Variants in PTPRM observed in about 807,000 individuals in gnomAD.
PTPRM encodes the protein protein tyrosine phosphatase receptor type M.
PTPRM carries 47 observed loss-of-function variants against 186.7 expected under a neutral mutation model. The ratio of observed to expected loss-of-function variants is 0.25; its 90% CI spans 0.20 to 0.32. The LOEUF (loss-of-function observed/expected upper bound fraction) is 0.32. Ranked by LOEUF, PTPRM falls within the 10% of genes least tolerant of loss-of-function variation. The probability of loss-of-function intolerance (pLI) is 1.00; values close to 1 mark genes in which losing one functional copy is unlikely to be tolerated. For missense variants in PTPRM, 1,494 were observed against 1,865.0 expected (o/e 0.80, Z 3.66); for synonymous variants, 668 against 674.9 (o/e 0.99, Z 0.16).
chr18:7,734,235 A>G (rs1290707586), intron 1 of PTPRM, among the ~76,000 whole-genome samples: 2 of 152,178 alleles, frequency 1.3e-5, no homozygotes, highest in Admixed American at 1.3e-4. Context: ...CCAAATCTGT[A>G]TGTGTCAGGG....
At chr18:7,829,180 T>C (rs2145701088) in intron 2 of PTPRM, among the ~76,000 whole-genome samples, 1 of 152,352 alleles carries the variant, frequency 6.6e-6, no homozygotes, top group South Asian at 2.1e-4. Flanking sequence ...GACATATTTA[T>C]ATGGTTCAAA....
intron 11 of PTPRM, among the ~76,000 whole-genome samples, chr18:8,111,339 G>A (rs943382810): frequency 3.3e-5 from 5 of 152,200 alleles, no homozygotes; most frequent in Non-Finnish European, 5.9e-5. Flanking sequence ...TTGGCCAGGC[G>A]CAGTGGCTCA....
chr18:8,143,655 A>T lies in PTPRM; in HGVS notation c.2176A>T (p.Thr726Ser), dbSNP rs772892539. 1.0e-5 allele frequency: 16 copies of T among 1,596,564 alleles called. No homozygotes were observed. The highest frequency in any genetic ancestry group is 1.3e-5 in the African/African-American group (1 of 74,552). ...CVQVATKGAA[T>S]PKPVPEPEKQ... ...TTTCCTTTCATCTTCAGGAGCTGCCACTCCGAAACCAGTCCCAGAACCCGA... is the reference window on the plus strand; with the variant it reads ...TTTCCTTTCATCTTCAGGAGCTGCCTCTCCGAAACCAGTCCCAGAACCCGA... The change falls in exon 14 of 33, where the codon ACT (threonine) becomes TCT (serine). Residue 726 changes from threonine (T) to serine (S), a missense_variant. By Grantham distance (58) the Thr-to-Ser change is moderately conservative. This residue lies in a region of PTPRM where 1,107 missense variants were observed against 1,350.2 expected (regional missense o/e 0.82). Coordinates refer to ENST00000580170, the MANE Select transcript of PTPRM (RefSeq NM_001105244.2).
chr18:7,782,180 G>T (rs2042888842), intron 2 of PTPRM, among the ~76,000 whole-genome samples: 1 of 152,140 alleles, frequency 6.6e-6, no homozygotes, highest in African/African-American at 2.4e-5. Flanking sequence ...AACACCACAG[G>T]CTCTGTGTAG....
At chr18:8,160,129 C>T (rs1022109419) in intron 14 of PTPRM, among the ~76,000 whole-genome samples, 2 of 152,006 alleles carry the variant, frequency 1.3e-5, no homozygotes, top group African/African-American at 2.4e-5. Flanking sequence ...TTTAAGCCAC[C>T]TTTGAAATAT....
intron 1 of PTPRM, among the ~76,000 whole-genome samples, chr18:7,755,444 A>C (rs1242541987): frequency 1.3e-5 from 2 of 152,204 alleles, no homozygotes; most frequent in African/African-American, 4.8e-5. Context: ...GGTATGGATA[A>C]GGGTGGTCTT....
chr18:7,886,319 ACT>A (rs1250233999), intron 2 of PTPRM, among the ~76,000 whole-genome samples: 32 of 152,212 alleles, frequency 2.1e-4, no homozygotes, highest in African/African-American at 7.5e-4. Flanking sequence ...GTAAACAGTA[ACT>A]AACCTGAATT....
chr18:8,159,332 T>A (rs7236897), intron 14 of PTPRM, among the ~76,000 whole-genome samples: 4,867 of 152,250 alleles, frequency 0.032, 141 homozygotes, highest in African/African-American at 0.079. Context: ...GATGTTCTTA[T>A]CATTGTTATA....
chr18:8,269,012 G>T (rs1277688059), intron 19 of PTPRM, among the ~76,000 whole-genome samples: 1 of 151,922 alleles, frequency 6.6e-6, no homozygotes, highest in East Asian at 1.9e-4. Flanking sequence ...CAAGACAAAG[G>T]TGCCCACTCT....
intron 17 of PTPRM, 120 bp from the exon 18 acceptor site, chr18:8,252,368 T>G (rs1204313836): frequency 1.1e-6 from 1 of 879,838 alleles, no homozygotes; most frequent in Non-Finnish European, 1.9e-6. Flanking sequence ...AATAGAAAAC[T>G]TAACTGGAAA....
In PTPRM at chr18:8,260,159, G is replaced by T. The variant is rs144804227; in HGVS notation, c.2754+6745G>T. Among the ~76,000 whole-genome samples the T allele has an allele frequency of 9.2e-5, 14 of 151,668 alleles. 1 individual carries two copies. The Middle Eastern group carries it at 0.01, about 114-fold the overall frequency. On this transcript the variant is annotated intron_variant, in intron 19 of 32. Transcript: ENST00000580170. ...ACGAGCAGTGAGAGAGGACCAAACA[G>T]AAGGAGAATTGCTTTTTTCATTTTT... is the stretch of plus-strand genomic sequence containing the variant.
Position 7,775,607 on chromosome 18 carries a change from G to C in PTPRM, c.196+1336G>C, listed in dbSNP as rs1333855335. Reference sequence around the variant, plus strand: ...GGCTGGGCTAGCTGAGGCTGTGAGAGTGGGGAGGGTCCTTAGATTTAGTCC... The same window carrying C: ...GGCTGGGCTAGCTGAGGCTGTGAGACTGGGGAGGGTCCTTAGATTTAGTCC... On this transcript the variant is annotated intron_variant, in intron 2 of 32. Transcript: ENST00000580170. Among the ~76,000 whole-genome samples, 3 of 152,182 alleles carry C rather than the reference G, an allele frequency of 2.0e-5. No homozygotes were observed. The East Asian group carries it at 5.8e-4, about 29-fold the overall frequency.
At chr18:7,575,073 A>G (rs920129633) in intron 1 of PTPRM, among the ~76,000 whole-genome samples, 2 of 152,220 alleles carry the variant, frequency 1.3e-5, no homozygotes, top group Non-Finnish European at 2.9e-5. Flanking sequence ...TTGGACATTT[A>G]TTTAAAGTAC....
intron 1 of PTPRM, among the ~76,000 whole-genome samples, chr18:7,590,056 A>G (rs372621437): frequency 3.6e-4 from 55 of 152,304 alleles, no homozygotes; most frequent in African/African-American, 1.3e-3. Context: ...TCTGGAAACA[A>G]TGGTTAAATT....
intron 7 of PTPRM, among the ~76,000 whole-genome samples, chr18:8,013,964 A>G (rs1428303744): frequency 6.6e-6 from 1 of 152,190 alleles, no homozygotes; most frequent in Admixed American, 6.5e-5. Context: ...AATTATATCT[A>G]AACATATCAT....
intron 1 of PTPRM, among the ~76,000 whole-genome samples, chr18:7,586,747 T>C (rs2036989879): frequency 6.6e-6 from 1 of 152,168 alleles, no homozygotes; most frequent in South Asian, 2.1e-4. Context: ...ACATCTGAAA[T>C]TTGCATGACA....
chr18:7,622,848 G>A (rs1330637074), intron 1 of PTPRM, among the ~76,000 whole-genome samples: 1 of 152,154 alleles, frequency 6.6e-6, no homozygotes, highest in Non-Finnish European at 1.5e-5. Flanking sequence ...CCAGCTTTGT[G>A]TATGTGTCTG....
chr18:7,679,338 C>G (rs1390428843), intron 1 of PTPRM, among the ~76,000 whole-genome samples: 1 of 152,090 alleles, frequency 6.6e-6, no homozygotes, highest in African/African-American at 2.4e-5. Flanking sequence ...CTAGGTATGG[C>G]TATTAAAGAA....
intron 7 of PTPRM, among the ~76,000 whole-genome samples, chr18:8,046,593 C>T (rs182157985): frequency 2.2e-4 from 34 of 152,226 alleles, no homozygotes; most frequent in Non-Finnish European, 4.6e-4. Context: ...TATCCCAGCC[C>T]CTCCCCAGGG....
Sources: allele counts gnomAD v4.1 joint callset (sites outside exome capture counted in the v4.1 genomes callset), GRCh38; gene constraint gnomAD v4.1.1; regional missense constraint gnomAD v4.1.1; transcripts MANE v1.5; gene names NCBI Gene and HGNC (gene_info 2026-07-23, HGNC 2026-07-21).